The following DOCK3 variants were observed in gnomAD, a reference collection of about 807,000 sequenced individuals.
DOCK3 encodes the protein dedicator of cytokinesis 3.
In DOCK3, 60 loss-of-function variants were observed where a neutral mutation model predicts 265.6. That is an observed-to-expected ratio of 0.23 (90% CI 0.18 to 0.28). The LOEUF (loss-of-function observed/expected upper bound fraction) is 0.28, where lower values mean the gene tolerates loss of function less well. DOCK3 is among the 10% of genes least tolerant of loss of function. DOCK3 has a pLI of 1.00. For missense variants in DOCK3, 1,981 were observed against 2,594.3 expected (o/e 0.76, Z 5.14); for synonymous variants, 881 against 938.0 (o/e 0.94, Z 1.11).
At chr3:51,051,653 T>G (rs1019765559) in intron 5 of DOCK3, among the ~76,000 whole-genome samples, 3 of 152,180 alleles carry the variant, frequency 2.0e-5, no homozygotes, top group Admixed American at 6.6e-5. Flanking sequence ...CAATACCCTT[T>G]CCCACTGTGT....
At chr3:51,250,943 A>T (rs1262577839) in intron 22 of DOCK3, among the ~76,000 whole-genome samples, 1 of 152,208 alleles carries the variant, frequency 6.6e-6, no homozygotes, top group African/African-American at 2.4e-5. Flanking sequence ...ATATGTATCT[A>T]TATGCCATGT....
In DOCK3 at chr3:51,383,173, A is replaced by G. The variant is rs1332309294; in HGVS notation, c.*1614A>G. ...TCAGTGTGTTTTTCTCTTGTAAACA[A>G]ACCCCAGCTTGTTTAACAGAAATGC... On this transcript the variant is annotated 3_prime_UTR_variant, in exon 53 of 53. Coordinates refer to ENST00000266037, the MANE Select transcript of DOCK3 (RefSeq NM_004947.5). 2 of 152,348 alleles carry G rather than the reference A, an allele frequency of 1.3e-5. No homozygotes were observed. The highest frequency in any genetic ancestry group is 2.9e-5 in the Non-Finnish European group (2 of 68,030). 9.4% of individuals were successfully genotyped at this position (152,348 alleles called of 1,614,324 possible). A position where few individuals can be genotyped will look rare whatever the true frequency, so the allele number is the denominator to read the frequency against.
intron 49 of DOCK3, among the ~76,000 whole-genome samples, chr3:51,372,124 A>G (rs2087734209): frequency 6.6e-6 from 1 of 152,190 alleles, no homozygotes; most frequent in South Asian, 2.1e-4. Context: ...TTTTTCACCT[A>G]AACTCTTGTG....
chr3:50,737,277 A>G (rs1288682433), intron 1 of DOCK3, among the ~76,000 whole-genome samples: 3 of 152,138 alleles, frequency 2.0e-5, no homozygotes, highest in Admixed American at 2.0e-4. Flanking sequence ...GCCCTTGCCC[A>G]TGCCTATGAG....
chr3:51,179,382 C>A (rs1473994799), intron 12 of DOCK3, among the ~76,000 whole-genome samples: 1 of 152,168 alleles, frequency 6.6e-6, no homozygotes, highest in Non-Finnish European at 1.5e-5. Context: ...TTAACAATTT[C>A]AAGTTAGTAA....
At chr3:51,073,254 A>G (rs905322052) in intron 6 of DOCK3, among the ~76,000 whole-genome samples, 3 of 152,128 alleles carry the variant, frequency 2.0e-5, no homozygotes, top group Non-Finnish European at 4.4e-5. Context: ...TGATCTTTCC[A>G]TTGTTTTTCC....
At chr3:50,766,051 A>C (rs1304403500) in intron 1 of DOCK3, among the ~76,000 whole-genome samples, 1 of 152,054 alleles carries the variant, frequency 6.6e-6, no homozygotes, top group Non-Finnish European at 1.5e-5. Context: ...GGCTTATTTC[A>C]CTTAATGTCT....
In DOCK3 at chr3:50,950,901, A is replaced by G. The variant is rs528363839; in HGVS notation, c.315+16824A>G. 2.0e-5 allele frequency among the ~76,000 whole-genome samples: 3 copies of G among 152,282 alleles called. No homozygotes were observed. The East Asian group carries it at 5.8e-4, about 29-fold the overall frequency. On this transcript the variant is annotated intron_variant, in intron 5 of 52. Coordinates refer to ENST00000266037, the MANE Select transcript of DOCK3 (RefSeq NM_004947.5). The stretch of plus-strand genomic sequence containing the variant: ...TTTTGATGTTAGCCAACATTTGTTG[A>G]TACATTTTATCAACAAATATTGGAG...
intron 12 of DOCK3, among the ~76,000 whole-genome samples, chr3:51,180,712 G>A (rs111238967): frequency 3.1e-3 from 467 of 152,238 alleles, no homozygotes; most frequent in African/African-American, 0.01. Flanking sequence ...AACATTCACA[G>A]GTTCTGGGGA....
chr3:51,092,525 G>C (rs2082677201), intron 9 of DOCK3, among the ~76,000 whole-genome samples: 1 of 152,220 alleles, frequency 6.6e-6, no homozygotes, highest in Non-Finnish European at 1.5e-5. Flanking sequence ...GGGACTTATA[G>C]ATAAAACCCC....
At chr3:51,047,953 A>G (rs1575876763) in intron 5 of DOCK3, among the ~76,000 whole-genome samples, 3 of 152,180 alleles carry the variant, frequency 2.0e-5, no homozygotes, top group South Asian at 2.1e-4. Flanking sequence ...TCAGGCCACT[A>G]TTCCTAAGAA....
chr3:51,308,754 G>T (rs1196821630), intron 27 of DOCK3, among the ~76,000 whole-genome samples: 6 of 152,138 alleles, frequency 3.9e-5, no homozygotes, highest in African/African-American at 1.4e-4. Flanking sequence ...AGACGGGGTG[G>T]TGGCCGGGCA....
At chr3:50,875,546 C>T (rs1004273355) in intron 3 of DOCK3, among the ~76,000 whole-genome samples, 1 of 151,984 alleles carries the variant, frequency 6.6e-6, no homozygotes, top group Non-Finnish European at 1.5e-5. Context: ...TTTTCAGCAC[C>T]CATTGAAATG....
At chr3:50,883,472 T>C (rs574947734) in intron 3 of DOCK3, among the ~76,000 whole-genome samples, 1 of 152,138 alleles carries the variant, frequency 6.6e-6, no homozygotes, top group African/African-American at 2.4e-5. Flanking sequence ...GTTTTTTGTT[T>C]TATCATTTTC....
intron 10 of DOCK3, 70 bp from the exon 11 acceptor site, chr3:51,159,174 G>A: frequency 6.8e-7 from 1 of 1,478,310 alleles, no homozygotes; most frequent in Admixed American, 1.7e-5. Context: ...CAAATGACTA[G>A]AGATTCAAAA....
intron 26 of DOCK3, among the ~76,000 whole-genome samples, chr3:51,279,085 A>C (rs766784009): frequency 3.9e-5 from 6 of 152,042 alleles, no homozygotes; most frequent in Non-Finnish European, 7.4e-5. Context: ...CCTGTCTACT[A>C]AAAATACAAA....
At chr3:51,330,340 T>C in intron 33 of DOCK3, 117 bp downstream of exon 33, 1 of 911,382 alleles carries the variant, frequency 1.1e-6, no homozygotes, top group East Asian at 2.7e-5. Context: ...AAGAGGGACC[T>C]GGGTTGTTCC....
chr3:51,341,639 C>T (rs2085250306), intron 38 of DOCK3, among the ~76,000 whole-genome samples: 1 of 152,186 alleles, frequency 6.6e-6, no homozygotes, highest in Admixed American at 6.5e-5. Flanking sequence ...ACTAGCTTTG[C>T]ATATCTATAA....
intron 21 of DOCK3, among the ~76,000 whole-genome samples, chr3:51,238,119 CTTTTTTTTTTTTTTTTTTTTTTTTT>C (rs747331452): frequency 1.3e-4 from 6 of 47,486 alleles, no homozygotes; most frequent in East Asian, 7.0e-4. Flanking sequence ...ATATTTACCA[CTTTTTTTTTTTTTTTTTTTTTTTTT>C]TTTTTTTTTT....
Sources: gnomAD v4.1 joint callset for allele counts (sites outside exome capture counted in the v4.1 genomes callset) on GRCh38, gnomAD v4.1.1 for gene constraint, MANE v1.5 for transcripts, NCBI Gene and HGNC (gene_info 2026-07-23, HGNC 2026-07-21) for gene names.